Variants in PNLIPRP3 observed in about 807,000 individuals in gnomAD.
PNLIPRP3 encodes pancreatic lipase-related protein 3.
PNLIPRP3 carries 58 observed loss-of-function variants against 52.8 expected under a neutral mutation model. The ratio of observed to expected loss-of-function variants is 1.10; its 90% CI spans 0.89 to 1.37. The LOEUF (loss-of-function observed/expected upper bound fraction) is 1.37. PNLIPRP3 is among the 40% of genes most tolerant of loss of function. PNLIPRP3 has a pLI of 0.00. For synonymous variants in PNLIPRP3, 192 were observed against 185.0 expected, an observed-to-expected ratio of 1.04 and a Z score of -0.31; for missense variants, 593 against 561.6, an observed-to-expected ratio of 1.06 and a Z score of -0.57.
At chr10:116,473,851 G>A (rs956820026) in intron 10 of PNLIPRP3, among the ~76,000 whole-genome samples, 2 of 147,750 alleles carry the variant, frequency 1.4e-5, no homozygotes, top group South Asian at 2.1e-4. Flanking sequence ...GGCTATCTAC[G>A]CCCAAAGCAA....
intron 2 of PNLIPRP3, among the ~76,000 whole-genome samples, 177 bp from the exon 3 acceptor site, chr10:116,442,878 A>AATG (rs1245947476): frequency 6.6e-6 from 1 of 152,128 alleles, no homozygotes; most frequent in East Asian, 1.9e-4. Context: ...TAATAATAAT[A>AATG]ATAATTTTTG....
intron 8 of PNLIPRP3, among the ~76,000 whole-genome samples, chr10:116,468,181 T>A (rs1846310741): frequency 6.7e-6 from 1 of 149,860 alleles, no homozygotes; most frequent in South Asian, 2.1e-4. Context: ...GCCATCTTTG[T>A]ATGTCTCTTT....
chr10:116,465,451 C>T (rs1846264095), intron 7 of PNLIPRP3, among the ~76,000 whole-genome samples: 1 of 151,892 alleles, frequency 6.6e-6, no homozygotes, highest in Non-Finnish European at 1.5e-5. Context: ...AGGAGAATGG[C>T]GTGAACCCCG....
intron 4 of PNLIPRP3, among the ~76,000 whole-genome samples, chr10:116,451,244 C>T (rs572572628): frequency 1.3e-5 from 2 of 152,232 alleles, no homozygotes; most frequent in Admixed American, 6.5e-5. Context: ...AAATTTGACC[C>T]TTGTCTTACA....
At chr10:116,475,250 A>G (rs1051288730) in intron 10 of PNLIPRP3, among the ~76,000 whole-genome samples, 1 of 152,202 alleles carries the variant, frequency 6.6e-6, no homozygotes, top group Non-Finnish European at 1.5e-5. Flanking sequence ...ACATGGACAC[A>G]CAGAAGGAAA....
intron 10 of PNLIPRP3, 22 bp from the exon 11 acceptor site, chr10:116,476,630 C>G: frequency 6.5e-7 from 1 of 1,538,294 alleles, no homozygotes; most frequent in Non-Finnish European, 8.7e-7. Context: ...TGCAAACTTA[C>G]GAGTCTTATT....
intron 9 of PNLIPRP3, among the ~76,000 whole-genome samples, chr10:116,469,851 G>T (rs1331852922): frequency 6.6e-6 from 1 of 151,876 alleles, no homozygotes; most frequent in African/African-American, 2.4e-5. Context: ...CCATTGAAGG[G>T]TATTAAGAAT....
chr10:116,432,332 A>C (rs1000521633), intron 1 of PNLIPRP3, among the ~76,000 whole-genome samples: 2 of 152,224 alleles, frequency 1.3e-5, no homozygotes, highest in South Asian at 4.1e-4. Context: ...GCCAATTTAC[A>C]TGATTTCTTA....
At chr10:116,448,190 GAC>G (rs1042064279) in intron 4 of PNLIPRP3, among the ~76,000 whole-genome samples, 4 of 151,974 alleles carry the variant, frequency 2.6e-5, no homozygotes, top group African/African-American at 9.7e-5. Context: ...AAAGTTAAAA[GAC>G]AAAAGTATTA....
intron 2 of PNLIPRP3, among the ~76,000 whole-genome samples, chr10:116,441,588 GC>G (rs1366355487): frequency 2.0e-5 from 3 of 152,054 alleles, no homozygotes; most frequent in Non-Finnish European, 4.4e-5. Flanking sequence ...TTCCTAGAAG[GC>G]CTGAAGATGA....
rs139873407 is a variant in PNLIPRP3 at position 116,458,511 on chromosome 10, C to G, written c.566-2455C>G. ...CCAATCAATAAGATCTGAGGTATAC[C>G]TATCTTGGGATGTTTCTCTCCAGGA... On this transcript the variant is annotated intron_variant, in intron 5 of 11. Coordinates refer to ENST00000369230, the MANE Select transcript of PNLIPRP3 (RefSeq NM_001011709.3). Among the ~76,000 whole-genome samples, 402 of 149,934 alleles carry G rather than the reference C, an allele frequency of 2.7e-3. 2 individuals carry two copies. The highest frequency in any genetic ancestry group is 4.3e-3 in the Non-Finnish European group (291 of 67,836).
intron 4 of PNLIPRP3, among the ~76,000 whole-genome samples, chr10:116,450,204 C>T (rs548023852): frequency 6.6e-6 from 1 of 152,262 alleles, no homozygotes; most frequent in Admixed American, 6.5e-5. Flanking sequence ...TCAAGCTTGC[C>T]CAACCCACAG....
chr10:116,443,749 GTGTGTGTGTGTGTGTA>G (rs1451106709), intron 3 of PNLIPRP3, among the ~76,000 whole-genome samples: 1,223 of 108,268 alleles, frequency 0.011, 37 homozygotes, highest in African/African-American at 0.04. Flanking sequence ...TTACTAATGT[GTGTGTGTGTGTGTGTA>G]TGTGTGTGTG....
chr10:116,433,853 G>A (rs1383757075), intron 1 of PNLIPRP3, among the ~76,000 whole-genome samples: 2 of 151,498 alleles, frequency 1.3e-5, no homozygotes, highest in Non-Finnish European at 2.9e-5. Context: ...GATAACATGA[G>A]CAAGAAATAA....
At chr10:116,431,092 C>T (rs1845703419) in intron 1 of PNLIPRP3, among the ~76,000 whole-genome samples, 1 of 152,196 alleles carries the variant, frequency 6.6e-6, no homozygotes, top group African/African-American at 2.4e-5. Context: ...TACCTCACTG[C>T]CAATCAGTCA....
At chr10:116,438,497 C>T (rs1430770882) in intron 2 of PNLIPRP3, among the ~76,000 whole-genome samples, 1 of 152,206 alleles carries the variant, frequency 6.6e-6, no homozygotes, top group Non-Finnish European at 1.5e-5. Flanking sequence ...GACACACATA[C>T]ATATGTACAC....
At chr10:116,447,741 A>T (rs1367382189) in intron 4 of PNLIPRP3, among the ~76,000 whole-genome samples, 2 of 152,064 alleles carry the variant, frequency 1.3e-5, no homozygotes, top group African/African-American at 4.8e-5. Context: ...GTCGAGACCA[A>T]CCTGGTCAGC....
chr10:116,436,778 A>G lies in PNLIPRP3; in HGVS notation c.117A>G (p.Ser39=). 1 of 1,613,844 alleles carries G rather than the reference A, an allele frequency of 6.2e-7. No homozygotes were observed. Among genetic ancestry groups the G allele is most frequent in the Non-Finnish European group, 8.5e-7 (1 of 1,179,820 alleles). The stretch of plus-strand genomic sequence containing the variant: ...GTTTACCATGGACCAGGACTTTCTC[A>G]ACAGAGTTGGTAGGTTTACCCTGGT... ...KDGLPWTRTF[S]TELVGLPWSP... is the part of the protein sequence containing the mutation. Residue 39 remains serine, a synonymous_variant, in exon 2 of 12, where the codon TCA becomes TCG. Transcript: ENST00000369230.
At chr10:116,464,499 C>T (rs946302520) in intron 7 of PNLIPRP3, among the ~76,000 whole-genome samples, 15 of 152,208 alleles carry the variant, frequency 9.9e-5, no homozygotes, top group Non-Finnish European at 1.3e-4. Context: ...CTGGATCTCA[C>T]ACCTGCCAAG....
Sources: allele counts gnomAD v4.1 joint callset (sites outside exome capture counted in the v4.1 genomes callset), GRCh38; gene constraint gnomAD v4.1.1; transcripts MANE v1.5; gene names NCBI Gene and HGNC (gene_info 2026-07-23, HGNC 2026-07-21).